The following RHBDF1 variants were observed in gnomAD, a reference collection of about 807,000 sequenced individuals.
The protein encoded by RHBDF1 is rhomboid 5 homolog 1, also known as inactive rhomboid protein 1.
A neutral mutation model predicts 98.6 loss-of-function variants in RHBDF1; 80 were observed. The observed-to-expected ratio is 0.81, with a 90% CI of 0.68 to 0.98. The LOEUF is 0.98. Ranked by LOEUF, RHBDF1 falls within the 50% of genes least tolerant of loss-of-function variation. The probability of loss-of-function intolerance (pLI) is 0.00; values close to 1 mark genes in which losing one functional copy is unlikely to be tolerated. For missense variants in RHBDF1, 1,116 were observed against 1,198.3 expected (o/e 0.93, Z 1.01); for synonymous variants, 512 against 486.8 (o/e 1.05, Z -0.68).
chr16:59,216 G>C, intron 16 of RHBDF1, 33 bp downstream of exon 16: 1 of 1,592,216 alleles, frequency 6.3e-7, no homozygotes, highest in Non-Finnish European at 8.6e-7. Context: ...TGAGGGCCCT[G>C]AGACCCCCGA....
intron 1 of RHBDF1, among the ~76,000 whole-genome samples, chr16:70,582 G>A (rs1420728260): frequency 6.6e-6 from 1 of 152,228 alleles, no homozygotes; most frequent in Non-Finnish European, 1.5e-5. Context: ...CCTCAAACCA[G>A]ATCCTGACTG....
chr16:73,436 G>C (rs1898028808), upstream of RHBDF1, among the ~76,000 whole-genome samples: 1 of 152,164 alleles, frequency 6.6e-6, no homozygotes, highest in South Asian at 2.1e-4. Flanking sequence ...TCAGAGCTCA[G>C]CGGCCACCCC....
chr16:67,480 G>A lies in RHBDF1; in HGVS notation c.-24-2441C>T, dbSNP rs191475418. Among the ~76,000 whole-genome samples, 15 of 152,290 alleles carry A rather than the reference G, an allele frequency of 9.8e-5. No homozygotes were observed. The East Asian group carries it at 1.5e-3, about 16-fold the overall frequency. ...TGAGTGACCTTTGCCAACAGAGACC[G>A]TTGCCAGCTGATGGGCTCACACACA... On this transcript the variant is annotated intron_variant, in intron 1 of 17. Transcript: ENST00000262316.
At chr16:60,302 C>T (rs1316203626) in intron 12 of RHBDF1, 23 bp from the exon 13 acceptor site, 2 of 1,613,758 alleles carry the variant, frequency 1.2e-6, no homozygotes, top group Non-Finnish European at 1.7e-6. Flanking sequence ...AGTATGTGGT[C>T]AGACCGGCTT....
At position 60,985 on chromosome 16, in the gene RHBDF1, T is replaced by C. The variant is rs1317950775; in HGVS notation, c.1557+135A>G. Reference sequence around the variant, plus strand: ...GGGTGGGGATGAGGAGGAATGAATATGACAAGGCCTTGCGCGTAAGGACGG... The same window carrying C: ...GGGTGGGGATGAGGAGGAATGAATACGACAAGGCCTTGCGCGTAAGGACGG... On this transcript the variant is annotated intron_variant, in intron 11 of 17. Coordinates refer to ENST00000262316, the MANE Select transcript of RHBDF1 (RefSeq NM_022450.5). 4 of 932,772 alleles carry C rather than the reference T, an allele frequency of 4.3e-6. No individual in the cohort carries two copies. In the African/African-American group the frequency reaches 5.0e-5, roughly 12 times the overall value. 57.8% of individuals were successfully genotyped at this position (932,772 alleles called of 1,614,324 possible). A position where few individuals can be genotyped will look rare whatever the true frequency, so the allele number is the denominator to read the frequency against.
intron 1 of RHBDF1, among the ~76,000 whole-genome samples, chr16:70,622 G>C (rs1298966115): frequency 6.6e-6 from 1 of 152,208 alleles, no homozygotes; most frequent in East Asian, 1.9e-4. Flanking sequence ...CCCCTGGGAG[G>C]GGTCCTCTGT....
chr16:62,709 T>C lies in RHBDF1; in HGVS notation c.796-14A>G, dbSNP rs770540814. 2.5e-6 allele frequency: 4 copies of C among 1,614,092 alleles called. No individual in the cohort carries two copies. In the East Asian group the frequency reaches 6.7e-5, roughly 27 times the overall value. The stretch of plus-strand genomic sequence containing the variant: ...GAGGATACCTTCCTGAGCAAACACA[T>C]GAGGTCAGGGTGGACACAGGCAGGA... On this transcript the variant is annotated splice_polypyrimidine_tract_variant and intron_variant, in intron 6 of 17. Transcript: ENST00000262316.
intron 17 of RHBDF1, 78 bp downstream of exon 17, chr16:58,896 T>A: frequency 6.3e-7 from 1 of 1,575,610 alleles, no homozygotes; most frequent in Non-Finnish European, 8.7e-7. Flanking sequence ...GCTCCCAGAC[T>A]CAGTGCTCGA....
In RHBDF1 at chr16:59,106, G is replaced by A. The variant is rs1897499072; in HGVS notation, c.2016C>T (p.Ser672=). ...LHAGILHCLV[S]ICFQMTVLRD... is the part of the protein sequence containing the mutation. Reference sequence around the variant, plus strand: ...GCAGGACAGTCATCTGGAAGCAGATGGACACCAGGCAGTGCAAGATCCTGT... The same window carrying A: ...GCAGGACAGTCATCTGGAAGCAGATAGACACCAGGCAGTGCAAGATCCTGT... Residue 672 remains serine (S), a synonymous_variant, in exon 17 of 18, where the codon TCC becomes TCT. Transcript: ENST00000262316. The A allele has an allele frequency of 6.2e-7, 1 of 1,613,556 alleles. No individual in the cohort carries two copies. The highest frequency in any genetic ancestry group is 2.2e-5 in the East Asian group (1 of 44,880).
chr16:72,473 CCGCCCCCGGAGCCCTG>C (rs1232305477), intron 1 of RHBDF1, 24 bp downstream of exon 1: 1 of 956,706 alleles, frequency 1.0e-6, no homozygotes, highest in Non-Finnish European at 1.2e-6. Context: ...CGGAACCCGC[CCGCCCCCGGAGCCCTG>C]CGCTCCCGGC....
rs1008808302 is a variant in RHBDF1, at chr16:59,119, T to C, written c.2003A>G (p.His668Arg). The change falls in exon 17 of 18, where the codon CAC becomes CGC. Residue 668 changes from histidine (H) to arginine (R), a missense_variant. His to Arg is a conservative substitution (Grantham distance 29). Coordinates refer to ENST00000262316, the MANE Select transcript of RHBDF1 (RefSeq NM_022450.5). ...CTGGAAGCAGATGGACACCAGGCAG[T>C]GCAAGATCCTGTAGTCAGTAGCAGG... ...LSLFLHAGIL[H>R]CLVSICFQMT... 1 of 1,613,278 alleles carries C rather than the reference T, an allele frequency of 6.2e-7. No individual in the cohort carries two copies. The highest frequency in any genetic ancestry group is 1.3e-5 in the African/African-American group (1 of 74,896).
Position 61,198 on chromosome 16 carries a change from G to A in RHBDF1, c.1479C>T (p.Arg493=), listed in dbSNP as rs1212521979. The part of the protein sequence containing the change: ...PQVHSFIRSA[R]EREKHSACCV... The stretch of plus-strand genomic sequence containing the variant: ...AGCAGGCGGAGTGCTTCTCGCGCTC[G>A]CGCGCCGAGCGAATGAAGCTGTGCA... The change falls in exon 11 of 18, where the codon CGC becomes CGT. Residue 493 remains arginine, a synonymous_variant. Coordinates refer to ENST00000262316, the MANE Select transcript of RHBDF1 (RefSeq NM_022450.5). 6 of 1,543,808 alleles carry A rather than the reference G, an allele frequency of 3.9e-6. No homozygotes were observed. The highest frequency in any genetic ancestry group is 5.2e-6 in the Non-Finnish European group (6 of 1,145,540).
chr16:59,610 C>G, intron 14 of RHBDF1, 116 bp from the exon 15 acceptor site: 2 of 1,469,020 alleles, frequency 1.4e-6, no homozygotes, highest in Non-Finnish European at 1.9e-6. Flanking sequence ...AAGTCCAGAC[C>G]CCCTCTAACC....
intron 4 of RHBDF1, 69 bp from the exon 5 acceptor site, chr16:63,251 C>G (rs1009980900): frequency 8.4e-5 from 113 of 1,338,786 alleles, no homozygotes; most frequent in Admixed American, 6.6e-5. Context: ...GGCACAGAGG[C>G]CTTGCAAAGA....
rs756998721 is a variant in RHBDF1 at position 62,767 on chromosome 16, C to G, written c.795+8G>C. 2 of 1,614,086 alleles carry G rather than the reference C, an allele frequency of 1.2e-6. No homozygotes were observed. The highest frequency in any genetic ancestry group is 2.7e-5 in the African/African-American group (2 of 75,062). ...GTGGGGTGGGGGGACACCCCGGGCA[C>G]TTCTTACCCGGGCAAAGAAGGATGT... On this transcript the variant is annotated splice_region_variant and intron_variant, in intron 6 of 17. Transcript: ENST00000262316.
At chr16:73,853 A>G (rs1898038010), upstream of RHBDF1, 1 of 829,470 alleles carries the variant, frequency 1.2e-6, no homozygotes, top group South Asian at 5.4e-5. Context: ...CGACGCAGAC[A>G]ATGGCCTGCT....
In RHBDF1 at chr16:58,762, G is replaced by A. The variant is rs780737263; in HGVS notation, c.2149-3C>T. The A allele has an allele frequency of 1.2e-6, 2 of 1,611,470 alleles. No individual in the cohort carries two copies. Among genetic ancestry groups the A allele is most frequent in the Admixed American group, 1.7e-5 (1 of 59,848 alleles). On this transcript the variant is annotated splice_region_variant and splice_polypyrimidine_tract_variant and intron_variant, in intron 17 of 17. Transcript: ENST00000262316. The stretch of plus-strand genomic sequence containing the variant: ...AACTGGGAGCCAGCAGGACCCACCT[G>A]GGGGATGGTTGGGGTAGCTGTAAGG...
chr16:58,303 C>G lies in RHBDF1; in HGVS notation c.*37G>C, dbSNP rs749333687. The G allele has an allele frequency of 1.9e-6, 3 of 1,587,180 alleles. No homozygotes were observed. In the Admixed American group the frequency reaches 5.1e-5, roughly 27 times the overall value. On this transcript the variant is annotated 3_prime_UTR_variant, in exon 18 of 18. Transcript: ENST00000262316. Reference sequence around the variant, plus strand: ...CAGGGAGGTCGTGTCTGGCTCTGGCCTGCTGGAGCACACGGCCGCTGGAGC... The same window carrying G: ...CAGGGAGGTCGTGTCTGGCTCTGGCGTGCTGGAGCACACGGCCGCTGGAGC...
chr16:72,087 G>A (rs1897985900), intron 1 of RHBDF1, among the ~76,000 whole-genome samples: 1 of 152,214 alleles, frequency 6.6e-6, no homozygotes, highest in Non-Finnish European at 1.5e-5. Flanking sequence ...GACACCACCC[G>A]CCGGTCGTGG....
Sources: gnomAD v4.1 joint callset for allele counts (sites outside exome capture counted in the v4.1 genomes callset) on GRCh38, gnomAD v4.1.1 for gene constraint, MANE v1.5 for transcripts, NCBI Gene and HGNC (gene_info 2026-07-23, HGNC 2026-07-21) for gene names.